PAX3: variants seen among roughly 807,000 people sequenced by gnomAD.
PAX3 encodes the protein paired box 3.
Under a neutral mutation model 51.6 loss-of-function variants are expected in PAX3, and 14 were observed. The observed-to-expected ratio is 0.27, with a 90% CI of 0.18 to 0.42. PAX3 has a LOEUF of 0.42. Ranked by LOEUF, PAX3 falls within the 10% of genes least tolerant of loss-of-function variation. PAX3 has a pLI of 1.00. For synonymous variants in PAX3, 280 were observed against 253.4 expected, an observed-to-expected ratio of 1.11 and a Z score of -1.00; for missense variants, 540 against 642.8, an observed-to-expected ratio of 0.84 and a Z score of 1.73.
At chr2:222,288,011 AG>A (rs1278978724) in intron 4 of PAX3, among the ~76,000 whole-genome samples, 12 of 152,254 alleles carry the variant, frequency 7.9e-5, no homozygotes, top group African/African-American at 2.9e-4. Flanking sequence ...AACCTCAGTT[AG>A]TGCTATTTGT....
intron 4 of PAX3, among the ~76,000 whole-genome samples, chr2:222,256,005 G>C (rs1456157464): frequency 7.1e-6 from 1 of 140,768 alleles, no homozygotes; most frequent in South Asian, 2.2e-4. Context: ...TCCTGACCTC[G>C]TGATCTGCCC....
Position 222,201,418 on chromosome 2 carries a change from T to C in PAX3, c.1445A>G (p.Asp482Gly), listed in dbSNP as rs1017676766. Residue 482 changes from aspartate (D) to glycine (G), a missense_variant, in exon 9 of 9, where the codon GAT becomes GGT. Transcript: ENST00000392070. ...AAGTGGACAGTTCACTTACGCGATA[T>C]CTGGCTTGAGATAATGAAAGGCACC... ...GQSAFHYLKP[D>G]IA 6.2e-7 allele frequency: 1 copy of C among 1,613,894 alleles called. No individual in the cohort carries two copies. The highest frequency in any genetic ancestry group is 2.2e-5 in the East Asian group (1 of 44,830).
rs1412410588 is a variant in PAX3 at position 222,201,165 on chromosome 2, A to G, written c.*243T>C. The G allele has an allele frequency of 6.2e-7, 1 of 1,613,788 alleles. No homozygotes were observed. The highest frequency in any genetic ancestry group is 8.5e-7 in the Non-Finnish European group (1 of 1,179,866). On this transcript the variant is annotated 3_prime_UTR_variant, in exon 9 of 9. Transcript: ENST00000392070. ...TGAAACCATTGCCTTAAAATGTTGC[A>G]TTTGTCTTTTATTGCTCCAGGTCTT...
intron 4 of PAX3, among the ~76,000 whole-genome samples, chr2:222,234,861 C>A (rs546992727): frequency 6.6e-6 from 1 of 152,314 alleles, no homozygotes; most frequent in African/African-American, 2.4e-5. Flanking sequence ...CCTAAGAAGA[C>A]AAATTTCCAT....
chr2:222,290,252 C>CA (rs575116697), intron 4 of PAX3, among the ~76,000 whole-genome samples: 49 of 152,308 alleles, frequency 3.2e-4, no homozygotes, highest in African/African-American at 1.1e-3. Flanking sequence ...TACCTCCCCC[C>CA]CAAAAAGCTG....
intron 4 of PAX3, among the ~76,000 whole-genome samples, chr2:222,246,517 A>G (rs573955814): frequency 1.3e-5 from 2 of 152,322 alleles, no homozygotes; most frequent in South Asian, 4.1e-4. Context: ...AAAAATAATG[A>G]TAGTCCCAGA....
intron 4 of PAX3, among the ~76,000 whole-genome samples, chr2:222,265,700 T>C (rs540576821): frequency 6.5e-4 from 38 of 58,614 alleles, no homozygotes; most frequent in Non-Finnish European, 1.3e-3. Context: ...GGGAGAAAGA[T>C]TGATTTTGAT....
At chr2:222,282,470 C>T (rs1188203009) in intron 4 of PAX3, among the ~76,000 whole-genome samples, 1 of 152,138 alleles carries the variant, frequency 6.6e-6, no homozygotes, top group East Asian at 1.9e-4. Context: ...GTCAGCCATT[C>T]CCAAACTCAA....
chr2:222,211,328 G>C (rs1691724833), intron 7 of PAX3, among the ~76,000 whole-genome samples: 1 of 152,158 alleles, frequency 6.6e-6, no homozygotes, highest in Non-Finnish European at 1.5e-5. Context: ...AGTTTAAACA[G>C]TTTATGTGAA....
intron 4 of PAX3, among the ~76,000 whole-genome samples, chr2:222,268,841 A>G (rs1214244629): frequency 6.6e-6 from 1 of 152,142 alleles, no homozygotes. Flanking sequence ...TGAAAATGCC[A>G]TATTTGTGCC....
intron 4 of PAX3, among the ~76,000 whole-genome samples, chr2:222,289,341 T>G (rs1694945669): frequency 2.0e-5 from 3 of 152,146 alleles, no homozygotes; most frequent in Admixed American, 2.0e-4. Flanking sequence ...GAAGAATTTT[T>G]TGTTGTTGTT....
intron 7 of PAX3, among the ~76,000 whole-genome samples, chr2:222,206,000 C>T (rs567470124): frequency 9.9e-5 from 15 of 152,234 alleles, no homozygotes; most frequent in African/African-American, 2.2e-4. Context: ...CTTTTATGCA[C>T]GCTTTTCCTA....
chr2:222,244,968 C>CA (rs915004824), intron 4 of PAX3, among the ~76,000 whole-genome samples: 2 of 151,760 alleles, frequency 1.3e-5, no homozygotes, highest in African/African-American at 2.4e-5. Context: ...GCCAATGAGG[C>CA]AAAATCCCGT....
intron 4 of PAX3, among the ~76,000 whole-genome samples, chr2:222,272,351 A>G (rs940765121): frequency 8.5e-5 from 13 of 152,220 alleles, no homozygotes; most frequent in Non-Finnish European, 1.9e-4. Context: ...AAAGAGGCTT[A>G]AAGGGGAAGA....
chr2:222,231,251 A>G (rs957735757), intron 5 of PAX3, among the ~76,000 whole-genome samples: 1 of 152,184 alleles, frequency 6.6e-6, no homozygotes, highest in African/African-American at 2.4e-5. Context: ...ATAACACACA[A>G]TATTTGCAGA....
rs1375932053 is a variant in PAX3, at chr2:222,200,101, A to T, written c.*1307T>A. 4.7e-6 allele frequency: 1 copy of T among 211,596 alleles called. No homozygotes were observed. Among genetic ancestry groups the T allele is most frequent in the Admixed American group, 5.9e-5 (1 of 17,010 alleles). 13.1% of individuals were successfully genotyped at this position (211,596 alleles called of 1,614,324 possible). A position where few individuals can be genotyped will look rare whatever the true frequency, so the allele number is the denominator to read the frequency against. On this transcript the variant is annotated 3_prime_UTR_variant, in exon 9 of 9. Transcript: ENST00000392070. ...CTACGTCATAGTTCTTAACTCTAAA[A>T]GGAATGTATTTGTGCCTACCTCATT...
intron 7 of PAX3, among the ~76,000 whole-genome samples, chr2:222,217,402 T>A (rs1431441192): frequency 6.6e-6 from 1 of 152,140 alleles, no homozygotes; most frequent in South Asian, 2.1e-4. Context: ...TTTCTCTTCA[T>A]TCAACTCTGG....
At chr2:222,286,915 ATTC>A (rs1694852342) in intron 4 of PAX3, among the ~76,000 whole-genome samples, 1 of 152,238 alleles carries the variant, frequency 6.6e-6, no homozygotes, top group Admixed American at 6.5e-5. Flanking sequence ...GAACTTTCTA[ATTC>A]TTCTCTCGTG....
chr2:222,238,790 TC>T (rs1692893994), intron 4 of PAX3, among the ~76,000 whole-genome samples: 2 of 152,200 alleles, frequency 1.3e-5, no homozygotes, highest in African/African-American at 2.4e-5. Flanking sequence ...TCCTGAGAGC[TC>T]CATGAAGCCT....
Sources: gnomAD v4.1 joint callset for allele counts (sites outside exome capture counted in the v4.1 genomes callset) on GRCh38, gnomAD v4.1.1 for gene constraint, MANE v1.5 for transcripts, NCBI Gene and HGNC (gene_info 2026-07-23, HGNC 2026-07-21) for gene names.